PRKAR1B: variants seen among roughly 807,000 people sequenced by gnomAD.
PRKAR1B encodes the protein protein kinase cAMP-dependent type I regulatory subunit beta.
In PRKAR1B, 22 loss-of-function variants were observed where a neutral mutation model predicts 46.5. That is an observed-to-expected ratio of 0.47 (90% CI 0.34 to 0.68). The LOEUF (loss-of-function observed/expected upper bound fraction) is 0.68. Ranked by LOEUF, PRKAR1B falls within the 30% of genes least tolerant of loss-of-function variation. The pLI is 0.01. For synonymous variants in PRKAR1B, 259 were observed against 217.7 expected (o/e 1.19, Z -1.67); for missense variants, 445 against 535.6 (o/e 0.83, Z 1.67).
At chr7:707,514 G>A (rs928938439) in intron 2 of PRKAR1B, among the ~76,000 whole-genome samples, 2 of 152,088 alleles carry the variant, frequency 1.3e-5, no homozygotes, top group Non-Finnish European at 2.9e-5. Flanking sequence ...GCTGGGATCC[G>A]TGAATCGTGT....
At chr7:596,944 G>C (rs964688664) in intron 6 of PRKAR1B, among the ~76,000 whole-genome samples, 2 of 152,276 alleles carry the variant, frequency 1.3e-5, no homozygotes, top group East Asian at 3.8e-4. Context: ...GGGCGCTGCG[G>C]CCGAGCTGCG....
rs981584217 is a variant in PRKAR1B, at chr7:602,039, C to T, written c.549+4154G>A. On this transcript the variant is annotated intron_variant, in intron 6 of 10. Coordinates refer to ENST00000537384, the MANE Select transcript of PRKAR1B (RefSeq NM_001164760.2). The surrounding 1 kb of genome is among the most constrained non-coding windows in gnomAD (Gnocchi z 6.4). ...CTCTTTCCTTTCTCAAAATTGCCTCCCAACGTCCCCGGGCCTGGCGAGAAG... is the reference window on the plus strand; with the variant it reads ...CTCTTTCCTTTCTCAAAATTGCCTCTCAACGTCCCCGGGCCTGGCGAGAAG... Among the ~76,000 whole-genome samples the T allele has an allele frequency of 6.6e-6, 1 of 152,216 alleles. No homozygotes were observed. The highest frequency in any genetic ancestry group is 2.4e-5 in the African/African-American group (1 of 41,452).
intron 9 of PRKAR1B, among the ~76,000 whole-genome samples, chr7:559,245 C>G (rs1432128454): frequency 6.6e-6 from 1 of 152,144 alleles, no homozygotes; most frequent in Non-Finnish European, 1.5e-5. Flanking sequence ...CAGGGGGCGG[C>G]CAGTGAAGGC....
chr7:619,914 G>A (rs1458491003), intron 4 of PRKAR1B, among the ~76,000 whole-genome samples: 4 of 152,004 alleles, frequency 2.6e-5, no homozygotes, highest in Non-Finnish European at 5.9e-5. Context: ...GCAGTGGTGC[G>A]ATCATAGCTC....
At chr7:726,543 G>T in intron 1 of PRKAR1B, 1 of 443,998 alleles carries the variant, frequency 2.3e-6, no homozygotes, top group East Asian at 3.7e-5. Flanking sequence ...GCTGGCGGGG[G>T]TTCCGGCGAC....
In PRKAR1B at chr7:556,874, C is replaced by T. The variant is rs1286682449; in HGVS notation, c.892-5404G>A. On this transcript the variant is annotated intron_variant, in intron 9 of 10. Coordinates refer to ENST00000537384, the MANE Select transcript of PRKAR1B (RefSeq NM_001164760.2). ...CTGTCCCTGGGGCCGGGAAAGTCTG[C>T]GTCATAAAAGACACAGGTGCCTCCC... is the stretch of plus-strand genomic sequence containing the variant. 5.9e-5 allele frequency among the ~76,000 whole-genome samples: 9 copies of T among 152,214 alleles called. No homozygotes were observed. The East Asian group carries it at 9.6e-4, about 16-fold the overall frequency.
At position 707,083 on chromosome 7, in the gene PRKAR1B, T is replaced by C. The variant is rs1780370181; in HGVS notation, c.177+4246A>G. On this transcript the variant is annotated intron_variant, in intron 2 of 10. Coordinates refer to ENST00000537384, the MANE Select transcript of PRKAR1B (RefSeq NM_001164760.2). ...CTGGTCCAGAACACGCAGCAGGAAATGAGACTCCATGGAATTTTAGGGCCC... is the reference window on the plus strand; with the variant it reads ...CTGGTCCAGAACACGCAGCAGGAAACGAGACTCCATGGAATTTTAGGGCCC... Among the ~76,000 whole-genome samples the C allele has an allele frequency of 2.6e-5, 4 of 152,202 alleles. No homozygotes were observed. In the South Asian group the frequency reaches 8.3e-4, roughly 31 times the overall value.
chr7:579,418 G>A (rs762939337), intron 8 of PRKAR1B, 41 bp from the exon 9 acceptor site: 85 of 1,606,566 alleles, frequency 5.3e-5, no homozygotes, highest in East Asian at 6.7e-5. Flanking sequence ...CGGGGCCCAC[G>A]CCCCCACAGC....
intron 4 of PRKAR1B, among the ~76,000 whole-genome samples, chr7:669,695 C>A (rs1434049545): frequency 6.6e-6 from 1 of 151,302 alleles, no homozygotes; most frequent in African/African-American, 2.4e-5. Flanking sequence ...ACCCAGGAGA[C>A]GGAGGTTGCA....
intron 4 of PRKAR1B, among the ~76,000 whole-genome samples, chr7:662,469 G>A (rs1422023487): frequency 2.0e-4 from 17 of 86,448 alleles, no homozygotes; most frequent in East Asian, 1.2e-3. Flanking sequence ...ACCCCAACGG[G>A]TCCAAATACC....
intron 9 of PRKAR1B, among the ~76,000 whole-genome samples, chr7:555,347 G>C (rs1311496004): frequency 1.3e-5 from 2 of 152,180 alleles, no homozygotes; most frequent in African/African-American, 4.8e-5. Flanking sequence ...CTGTCTGGAT[G>C]CAAGAGCACA....
rs145041585 is a variant in PRKAR1B, at chr7:664,552, G to A, written c.440+12677C>T. Among the ~76,000 whole-genome samples the A allele has an allele frequency of 2.0e-5, 3 of 152,304 alleles. No homozygotes were observed. In the East Asian group the frequency reaches 5.8e-4, roughly 29 times the overall value. ...TGTCAGTGACAACAAAACGTGAACT[G>A]GCTAGGGGTCAGAAGATGTGGTACC... On this transcript the variant is annotated intron_variant, in intron 4 of 10. Transcript: ENST00000537384.
intron 4 of PRKAR1B, among the ~76,000 whole-genome samples, chr7:661,751 C>T (rs568057661): frequency 6.5e-5 from 3 of 45,942 alleles, no homozygotes; most frequent in African/African-American, 1.1e-4. Context: ...TACTCTCCCC[C>T]GCAAGGCACA....
rs548783072 is a variant in PRKAR1B, at chr7:665,059, G to T, written c.440+12170C>A. Among the ~76,000 whole-genome samples the T allele has an allele frequency of 3.9e-5, 6 of 152,328 alleles. No individual in the cohort carries two copies. In the South Asian group the frequency reaches 1.0e-3, roughly 26 times the overall value. On this transcript the variant is annotated intron_variant, in intron 4 of 10. Transcript: ENST00000537384. ...CAAATCAGACAAAGCAAGAGGGCTT[G>T]TTGTCACTGTGGTATTAGATAGCGC... is the stretch of plus-strand genomic sequence containing the variant.
At chr7:615,844 AAAGCAAGAAAGG>A (rs1361112847) in intron 4 of PRKAR1B, among the ~76,000 whole-genome samples, 4 of 140,836 alleles carry the variant, frequency 2.8e-5, no homozygotes, top group Non-Finnish European at 6.3e-5. Flanking sequence ...AAAAAAAAAG[AAAGCAAGAAAGG>A]AAGGAAGAAA....
intron 4 of PRKAR1B, among the ~76,000 whole-genome samples, chr7:642,320 G>C (rs1562583783): frequency 6.6e-6 from 1 of 152,190 alleles, no homozygotes; most frequent in Non-Finnish European, 1.5e-5. Flanking sequence ...CTCTAAAATT[G>C]GATCATGATG....
chr7:683,830 C>A (rs999981771), intron 2 of PRKAR1B, among the ~76,000 whole-genome samples: 3 of 152,242 alleles, frequency 2.0e-5, no homozygotes, highest in Non-Finnish European at 2.9e-5. Context: ...ACAATCCCAC[C>A]CGCTCCTCAC....
At chr7:576,630 G>A (rs1268238140) in intron 9 of PRKAR1B, among the ~76,000 whole-genome samples, 6 of 151,606 alleles carry the variant, frequency 4.0e-5, no homozygotes, top group Non-Finnish European at 7.4e-5. Context: ...CTGCCCTGTC[G>A]AGACCTGCCT....
chr7:712,864 C>T (rs531561736), intron 1 of PRKAR1B: 1 of 152,282 alleles, frequency 6.6e-6, no homozygotes, highest in Non-Finnish European at 1.5e-5. Context: ...GGGATCACAT[C>T]CCTGCCTCTG....
Sources: allele counts gnomAD v4.1 joint callset (sites outside exome capture counted in the v4.1 genomes callset), GRCh38; gene constraint gnomAD v4.1.1; non-coding constraint Gnocchi (gnomAD v3.1); transcripts MANE v1.5; gene names NCBI Gene and HGNC (gene_info 2026-07-23, HGNC 2026-07-21).